The following IRAK4 variants were observed in gnomAD, a reference collection of about 807,000 sequenced individuals.
IRAK4 encodes interleukin 1 receptor associated kinase 4, also known as interleukin-1 receptor-associated kinase 4.
Under a neutral mutation model 51.8 loss-of-function variants are expected in IRAK4, and 44 were observed. The observed-to-expected ratio is 0.85, with a 90% confidence interval of 0.67 to 1.09. The LOEUF (loss-of-function observed/expected upper bound fraction) is 1.09, where lower values mean the gene tolerates loss of function less well. IRAK4 is among the 50% of genes least tolerant of loss of function. The pLI, the probability that IRAK4 is intolerant of heterozygous loss-of-function variation, is 0.00. For missense variants in IRAK4, 487 were observed against 538.0 expected (o/e 0.91, Z 0.94); for synonymous variants, 149 against 174.1 (o/e 0.86, Z 1.13).
rs1297313633 is a variant in IRAK4 at position 43,773,091 on chromosome 12, A to G, written c.651+19A>G. ...TGCAGCAGTAAGTTATATTTTCAGG[A>G]ATAAAAAGAAAGAGTTGCTTCATAG... On this transcript the variant is annotated intron_variant, in intron 5 of 11. Transcript: ENST00000613694. The G allele has an allele frequency of 1.9e-6, 3 of 1,609,324 alleles. No homozygotes were observed. The highest frequency in any genetic ancestry group is 1.7e-6 in the Non-Finnish European group (2 of 1,176,612).
chr12:43,785,638 T>A (rs376963114), intron 10 of IRAK4, among the ~76,000 whole-genome samples: 5 of 145,446 alleles, frequency 3.4e-5, no homozygotes, highest in Non-Finnish European at 6.0e-5. Flanking sequence ...ATATATATAT[T>A]TATATATATA....
chr12:43,771,800 C>T (rs1325849312), intron 3 of IRAK4, among the ~76,000 whole-genome samples: 1 of 152,130 alleles, frequency 6.6e-6, no homozygotes, highest in African/African-American at 2.4e-5. Flanking sequence ...ATGCCTTTCA[C>T]ACCAGTGGTT....
chr12:43,772,890 T>C (rs1220669803), intron 4 of IRAK4, 22 bp from the exon 5 acceptor site: 1 of 1,560,670 alleles, frequency 6.4e-7, no homozygotes, highest in Non-Finnish European at 8.8e-7. Context: ...AATTTAAGCA[T>C]GTTTTTCTTA....
At chr12:43,773,285 T>C (rs966309022) in intron 5 of IRAK4, among the ~76,000 whole-genome samples, 1 of 152,156 alleles carries the variant, frequency 6.6e-6, no homozygotes, top group Non-Finnish European at 1.5e-5. Context: ...GTACACAAGA[T>C]CATACATACA....
intron 1 of IRAK4, among the ~76,000 whole-genome samples, chr12:43,761,348 T>C (rs544568687): frequency 6.6e-6 from 1 of 152,336 alleles, no homozygotes; most frequent in South Asian, 2.1e-4. Flanking sequence ...TTGTTATTTG[T>C]ACGCTTTCAG....
In IRAK4 at chr12:43,767,390, G is replaced by A. The variant is rs1940265764; in HGVS notation, c.-9-713G>A. On this transcript the variant is annotated intron_variant, in intron 1 of 11. Transcript: ENST00000613694. Reference sequence around the variant, plus strand: ...CCCTGGTGTACAAGTAAAGTTGTTAGATTTATCCCTGGCTGCAGCTCTCCA... The same window carrying A: ...CCCTGGTGTACAAGTAAAGTTGTTAAATTTATCCCTGGCTGCAGCTCTCCA... Among the ~76,000 whole-genome samples the A allele has an allele frequency of 2.6e-5, 4 of 152,200 alleles. No individual in the cohort carries two copies. In the South Asian group the frequency reaches 8.3e-4, roughly 31 times the overall value.
intron 1 of IRAK4, among the ~76,000 whole-genome samples, chr12:43,765,044 C>T (rs1257111397): frequency 6.6e-6 from 1 of 152,182 alleles, no homozygotes; most frequent in Non-Finnish European, 1.5e-5. Context: ...CTCGTAAAGT[C>T]ATGTTTCATC....
chr12:43,762,413 C>A (rs2137842866), intron 1 of IRAK4, among the ~76,000 whole-genome samples: 1 of 152,208 alleles, frequency 6.6e-6, no homozygotes, highest in South Asian at 2.1e-4. Context: ...CTAAGCAGTT[C>A]TATCTTGTCT....
rs1328965818 is a variant in IRAK4 at position 43,778,209 on chromosome 12, T to C, written c.848T>C (p.Leu283Pro). Residue 283 changes from leucine (L) to proline (P), a missense_variant, in exon 8 of 12, where the codon CTT becomes CCT. Physicochemically the swap from Leu to Pro is moderately conservative, Grantham distance 98 (BLOSUM62 -3). Transcript: ENST00000613694. ...CTTTATAAGGATGGTACTCCACCAC[T>C]TTCTTGGCACATGAGATGCAAGATT... ...RLSCLDGTPP[L>P]SWHMRCKIAQ... The C allele has an allele frequency of 4.4e-6, 7 of 1,605,460 alleles. No individual in the cohort carries two copies. Among genetic ancestry groups the C allele is most frequent in the Non-Finnish European group, 6.0e-6 (7 of 1,172,310 alleles).
chr12:43,764,750 T>A (rs1565661384), intron 1 of IRAK4, among the ~76,000 whole-genome samples: 2 of 152,144 alleles, frequency 1.3e-5, no homozygotes, highest in Admixed American at 1.3e-4. Context: ...GGAGAAGGAC[T>A]CTGTGGTGAA....
chr12:43,774,015 A>T lies in IRAK4; in HGVS notation c.702A>T (p.Ile234=), dbSNP rs778986995. 1.6e-5 allele frequency: 25 copies of T among 1,610,164 alleles called. No homozygotes were observed. Among genetic ancestry groups the T allele is most frequent in the Non-Finnish European group, 1.6e-5 (19 of 1,177,968 alleles). ...TGAAACAGCAGTTTGATCAAGAAAT[A>T]AAAGTAATGGCAAAGTAAGTCTTAA... The part of the protein sequence containing the change: ...EELKQQFDQE[I]KVMAKCQHEN... The change falls in exon 6 of 12, where the codon ATA becomes ATT. Residue 234 remains isoleucine, a synonymous_variant. Coordinates refer to ENST00000613694, the MANE Select transcript of IRAK4 (RefSeq NM_016123.4).
Position 43,772,958 on chromosome 12 carries a change from C to G in IRAK4, c.537C>G (p.Asn179Lys), listed in dbSNP as rs373731553. 9 of 1,610,798 alleles carry G rather than the reference C, an allele frequency of 5.6e-6. No individual in the cohort carries two copies. In the African/African-American group the frequency reaches 1.2e-4, roughly 22 times the overall value. ...ATGAATTGAAGAATGTCACAAATAACTTTGATGAACGACCCATTTCTGTTG... is the reference window on the plus strand; with the variant it reads ...ATGAATTGAAGAATGTCACAAATAAGTTTGATGAACGACCCATTTCTGTTG... Reference protein sequence around the residue: ...SFYELKNVTNNFDERPISVGG... With the variant: ...SFYELKNVTNKFDERPISVGG... The change falls in exon 5 of 12, where the codon AAC (asparagine) becomes AAG (lysine). Residue 179 changes from asparagine to lysine, a missense_variant. By Grantham distance (94) the Asn-to-Lys change is moderately conservative (BLOSUM62 0). Coordinates refer to ENST00000613694, the MANE Select transcript of IRAK4 (RefSeq NM_016123.4).
At position 43,772,330 on chromosome 12, in the gene IRAK4, C is replaced by A. The variant is rs1266778238; in HGVS notation, c.458C>A (p.Pro153Gln). ...QSYMPPDSSS[P>Q]ENKSLEVSDT... The stretch of plus-strand genomic sequence containing the variant: ...TATATGCCACCTGACTCCTCAAGTC[C>A]AGAAAATAAAAGTTTAGAAGTTAGT... Residue 153 changes from proline to glutamine, a missense_variant, in exon 4 of 12, where the codon CCA becomes CAA. By Grantham distance (76) the Pro-to-Gln change is moderately conservative. Transcript: ENST00000613694. The A allele has an allele frequency of 6.2e-7, 1 of 1,613,414 alleles. No individual in the cohort carries two copies.
intron 3 of IRAK4, among the ~76,000 whole-genome samples, chr12:43,771,802 C>G (rs992948146): frequency 2.0e-5 from 3 of 152,064 alleles, no homozygotes; most frequent in Non-Finnish European, 4.4e-5. Flanking sequence ...GCCTTTCACA[C>G]CAGTGGTTCT....
At chr12:43,778,035 T>G (rs1053685720) in intron 7 of IRAK4, among the ~76,000 whole-genome samples, 158 bp from the exon 8 acceptor site, 1 of 152,112 alleles carries the variant, frequency 6.6e-6, no homozygotes, top group African/African-American at 2.4e-5. Flanking sequence ...TTGAGCTTAT[T>G]TAGATATTAT....
intron 10 of IRAK4, among the ~76,000 whole-genome samples, chr12:43,784,018 G>A (rs1942006090): frequency 6.6e-6 from 1 of 151,992 alleles, no homozygotes; most frequent in Admixed American, 6.6e-5. Flanking sequence ...TTTATTTTGT[G>A]TCACTTTTGG....
rs1285299021 is a variant in IRAK4, at chr12:43,786,870, T to C, written c.*155T>C. On this transcript the variant is annotated 3_prime_UTR_variant, in exon 12 of 12. Coordinates refer to ENST00000613694, the MANE Select transcript of IRAK4 (RefSeq NM_016123.4). The stretch of plus-strand genomic sequence containing the variant: ...AAGCATGGGTTGAACTTCCAAAATA[T>C]AAAAATAGAGCCACCATATCAACAC... 8 of 662,208 alleles carry C rather than the reference T, an allele frequency of 1.2e-5. No homozygotes were observed. The East Asian group carries it at 2.2e-4, about 18-fold the overall frequency. 41.0% of individuals were successfully genotyped at this position (662,208 alleles called of 1,614,324 possible).
intron 6 of IRAK4, among the ~76,000 whole-genome samples, chr12:43,775,258 A>G (rs989606191): frequency 6.6e-6 from 1 of 152,200 alleles, no homozygotes; most frequent in Non-Finnish European, 1.5e-5. Flanking sequence ...CTCCAATTCT[A>G]AAAGTAACTT....
At chr12:43,763,213 T>G (rs1330134215) in intron 1 of IRAK4, 1 of 152,234 alleles carries the variant, frequency 6.6e-6, no homozygotes. Context: ...CTTGTCAAAT[T>G]TTAGTGTAGT....
Sources: allele counts gnomAD v4.1 joint callset (sites outside exome capture counted in the v4.1 genomes callset), GRCh38; gene constraint gnomAD v4.1.1; transcripts MANE v1.5; gene names NCBI Gene and HGNC (gene_info 2026-07-23, HGNC 2026-07-21).